The following COL23A1 variants were observed in gnomAD, a reference collection of about 807,000 sequenced individuals.
COL23A1 encodes collagen type XXIII alpha 1 chain, also known as collagen alpha-1(XXIII) chain.
A neutral mutation model predicts 99.3 loss-of-function variants in COL23A1; 97 were observed. That is an observed-to-expected ratio of 0.98 (90% CI 0.83 to 1.16). COL23A1 has a LOEUF of 1.16. Among genes scored for constraint, COL23A1 ranks in the 50% most tolerant of loss-of-function variants. COL23A1 has a pLI of 0.00. For synonymous variants in COL23A1, 320 were observed against 308.2 expected, an observed-to-expected ratio of 1.04 and a Z score of -0.40; for missense variants, 762 against 757.4, an observed-to-expected ratio of 1.01 and a Z score of -0.07.
chr5:178,539,792 C>G (rs1350302260), intron 2 of COL23A1, among the ~76,000 whole-genome samples: 1 of 152,052 alleles, frequency 6.6e-6, no homozygotes, highest in Non-Finnish European at 1.5e-5. Context: ...CCAGCATAAC[C>G]TTATACCAAA....
intron 2 of COL23A1, among the ~76,000 whole-genome samples, chr5:178,473,860 C>T (rs571815440): frequency 2.8e-4 from 43 of 152,190 alleles, no homozygotes; most frequent in East Asian, 3.9e-4. Context: ...TTGAAAGCTT[C>T]GAAAGAAAGA....
At chr5:178,557,399 AC>A (rs1195842278) in intron 2 of COL23A1, among the ~76,000 whole-genome samples, 2 of 152,172 alleles carry the variant, frequency 1.3e-5, no homozygotes, top group Non-Finnish European at 2.9e-5. Flanking sequence ...ACAGGATTCA[AC>A]CCACTACACT....
intron 2 of COL23A1, among the ~76,000 whole-genome samples, chr5:178,390,351 G>A (rs1250200472): frequency 1.3e-5 from 2 of 152,222 alleles, no homozygotes; most frequent in Non-Finnish European, 2.9e-5. Context: ...GGAGCAAGGA[G>A]GCACATGGCC....
rs907865855 is a variant in COL23A1, at chr5:178,387,615, A to G, written c.362-80696T>C. Among the ~76,000 whole-genome samples, 8 of 152,284 alleles carry G rather than the reference A, an allele frequency of 5.3e-5. No individual in the cohort carries two copies. Among genetic ancestry groups the G allele is most frequent in the African/African-American group, 1.9e-4 (8 of 41,554 alleles). On this transcript the variant is annotated intron_variant, in intron 2 of 28. Coordinates refer to ENST00000390654, the MANE Select transcript of COL23A1 (RefSeq NM_173465.4). The surrounding 1 kb of genome is among the most constrained non-coding windows in gnomAD (Gnocchi z 4.7). ...TGCCTGAGCCTCCCCTCCTGGACCA[A>G]TAACTTCTAGAGGCTCATGACCATT... is the stretch of plus-strand genomic sequence containing the variant.
At chr5:178,316,827 A>G (rs2127619754) in intron 2 of COL23A1, among the ~76,000 whole-genome samples, 1 of 151,250 alleles carries the variant, frequency 6.6e-6, no homozygotes, top group Non-Finnish European at 1.5e-5. Flanking sequence ...GGACTGCAAC[A>G]TTGAAGTCTG....
At chr5:178,579,995 C>T (rs991594938) in intron 1 of COL23A1, among the ~76,000 whole-genome samples, 6 of 152,226 alleles carry the variant, frequency 3.9e-5, no homozygotes, top group South Asian at 2.1e-4. Flanking sequence ...ATCTTACCCA[C>T]GATAGAGCAG....
At chr5:178,241,658 C>T (rs773463378) in intron 27 of COL23A1, among the ~76,000 whole-genome samples, 13 of 152,214 alleles carry the variant, frequency 8.5e-5, no homozygotes, top group Non-Finnish European at 1.3e-4. Flanking sequence ...CCCAGGGCAC[C>T]GCTGATGGTG....
At chr5:178,482,086 C>G (rs557695074) in intron 2 of COL23A1, among the ~76,000 whole-genome samples, 1 of 150,704 alleles carries the variant, frequency 6.6e-6, no homozygotes, top group Non-Finnish European at 1.5e-5. Flanking sequence ...AAGTCAGACA[C>G]AGAATTACTA....
At chr5:178,560,779 G>A (rs34884264) in intron 1 of COL23A1, 31 bp from the exon 2 acceptor site, 145,822 of 1,578,876 alleles carry the variant, frequency 0.092, 7,916 homozygotes, top group Middle Eastern at 0.21. Flanking sequence ...GAAAAAAAAC[G>A]AGGAGAGAAT....
intron 2 of COL23A1, among the ~76,000 whole-genome samples, chr5:178,331,943 G>A (rs1218828088): frequency 6.6e-6 from 1 of 152,208 alleles, no homozygotes; most frequent in Non-Finnish European, 1.5e-5. Context: ...CACAGCTGCG[G>A]GAGGCTGCTG....
At chr5:178,436,280 G>A (rs1406198145) in intron 2 of COL23A1, among the ~76,000 whole-genome samples, 1 of 152,178 alleles carries the variant, frequency 6.6e-6, no homozygotes, top group African/African-American at 2.4e-5. Flanking sequence ...TGGACAGTGT[G>A]GGAAGTGAGA....
intron 2 of COL23A1, among the ~76,000 whole-genome samples, chr5:178,409,310 C>T (rs946734370): frequency 2.0e-5 from 3 of 152,158 alleles, no homozygotes; most frequent in African/African-American, 4.8e-5. Flanking sequence ...AGCCAGTCTT[C>T]GAATGCCACA....
chr5:178,257,610 T>C (rs1224537111), intron 12 of COL23A1, 43 bp from the exon 13 acceptor site: 1 of 1,547,216 alleles, frequency 6.5e-7, no homozygotes, highest in East Asian at 2.4e-5. Context: ...GACCCTCGGG[T>C]GGCCAGTGGG....
chr5:178,444,124 T>C lies in COL23A1; in HGVS notation c.361+116558A>G, dbSNP rs1767033207. On this transcript the variant is annotated intron_variant, in intron 2 of 28. Coordinates refer to ENST00000390654, the MANE Select transcript of COL23A1 (RefSeq NM_173465.4). Reference sequence around the variant, plus strand: ...GGGAGGTTGTGGTGGGAGGATCCCTTGAGCCCAGGAGGTCAAGGCTGCAGT... The same window carrying C: ...GGGAGGTTGTGGTGGGAGGATCCCTCGAGCCCAGGAGGTCAAGGCTGCAGT... 2.6e-5 allele frequency among the ~76,000 whole-genome samples: 4 copies of C among 152,220 alleles called. No individual in the cohort carries two copies. The South Asian group carries it at 8.3e-4, about 32-fold the overall frequency.
intron 2 of COL23A1, among the ~76,000 whole-genome samples, chr5:178,381,747 C>T (rs71611431): frequency 0.05 from 7,652 of 152,248 alleles, 225 homozygotes; most frequent in Middle Eastern, 0.065. Flanking sequence ...GCAATCCTCC[C>T]GCTTCGGCCT....
chr5:178,243,293 G>T (rs1424355560), intron 25 of COL23A1, among the ~76,000 whole-genome samples: 1 of 151,982 alleles, frequency 6.6e-6, no homozygotes, highest in Admixed American at 6.6e-5. Context: ...TTCAAGACCA[G>T]CCTGGGCAAC....
At chr5:178,386,482 A>G (rs1212160159) in intron 2 of COL23A1, among the ~76,000 whole-genome samples, 1 of 152,056 alleles carries the variant, frequency 6.6e-6, no homozygotes, top group Non-Finnish European at 1.5e-5. Flanking sequence ...AATATTAGGA[A>G]TAAGACTCAC....
intron 2 of COL23A1, among the ~76,000 whole-genome samples, chr5:178,513,009 T>A (rs1035201019): frequency 6.6e-6 from 1 of 152,136 alleles, no homozygotes; most frequent in South Asian, 2.1e-4. Flanking sequence ...CCGTGCCCAG[T>A]GGCAAAGGGA....
At chr5:178,278,555 A>G (rs1756717273) in intron 5 of COL23A1, among the ~76,000 whole-genome samples, 1 of 152,076 alleles carries the variant, frequency 6.6e-6, no homozygotes, top group African/African-American at 2.4e-5. Context: ...AACCAGCCTC[A>G]TCTATTTTCT....
Sources: gnomAD v4.1 joint callset for allele counts (sites outside exome capture counted in the v4.1 genomes callset) on GRCh38, gnomAD v4.1.1 for gene constraint, Gnocchi (gnomAD v3.1) non-coding constraint, MANE v1.5 for transcripts, NCBI Gene and HGNC (gene_info 2026-07-23, HGNC 2026-07-21) for gene names.